The following HSP90B1 variants were observed in gnomAD, a reference collection of about 807,000 sequenced individuals.
The protein encoded by HSP90B1 is endoplasmin.
In HSP90B1, 27 loss-of-function variants were observed where a neutral mutation model predicts 100.4. The observed-to-expected ratio is 0.27, with a 90% CI of 0.20 to 0.37. The LOEUF (loss-of-function observed/expected upper bound fraction) is 0.37, where lower values mean the gene tolerates loss of function less well. Among genes scored for constraint, HSP90B1 ranks in the 10% least tolerant of loss-of-function variants. HSP90B1 has a pLI of 1.00. For synonymous variants in HSP90B1, 304 were observed against 330.8 expected (o/e 0.92, Z 0.88); for missense variants, 678 against 960.5 (o/e 0.71, Z 3.89).
At chr12:103,935,821 C>T (rs1372233101) in intron 5 of HSP90B1, among the ~76,000 whole-genome samples, 2 of 152,156 alleles carry the variant, frequency 1.3e-5, no homozygotes, top group Non-Finnish European at 2.9e-5. Context: ...TGTCAGGTTG[C>T]TAAGAAGCAG....
At chr12:103,941,740 G>A (rs1373445121) in intron 10 of HSP90B1, 34 bp downstream of exon 10, 1 of 1,604,624 alleles carries the variant, frequency 6.2e-7, no homozygotes, top group African/African-American at 1.3e-5. Context: ...AGGGGTGATT[G>A]TTGTGGGGGT....
In HSP90B1 at chr12:103,943,099, G is replaced by A. The variant is rs373394058; in HGVS notation, c.1670G>A (p.Arg557Gln). 1.7e-5 allele frequency: 28 copies of A among 1,613,868 alleles called. 1 individual carries two copies. The highest frequency in any genetic ancestry group is 4.4e-5 in the South Asian group (4 of 91,016). Residue 557 changes from arginine to glutamine, a missense_variant, in exon 13 of 18, where the codon CGA becomes CAA. Arg to Gln is a conservative substitution (Grantham distance 43). This residue lies in a region of HSP90B1 where 170 missense variants were observed against 236.7 expected (regional missense o/e 0.72). Coordinates refer to ENST00000299767, the MANE Select transcript of HSP90B1 (RefSeq NM_003299.3). The surrounding 1 kb of genome is among the most constrained non-coding windows in gnomAD (Gnocchi z 5.3). ...GCTGAATCTTCTCCATTTGTTGAGC[G>A]ACTTCTGAAAAAGGGCTATGAAGTT... ...KEAESSPFVE[R>Q]LLKKGYEVIY...
At chr12:103,932,552 C>A in intron 3 of HSP90B1, 134 bp downstream of exon 3, 1 of 741,770 alleles carries the variant, frequency 1.3e-6, no homozygotes, top group Non-Finnish European at 2.2e-6. Context: ...CTAATATGTC[C>A]AAGAATTGCT....
chr12:103,936,752 T>C (rs4964375), intron 5 of HSP90B1, among the ~76,000 whole-genome samples: 28,164 of 152,164 alleles, frequency 0.19, 3,132 homozygotes, highest in East Asian at 0.53. Flanking sequence ...AATTGCCTTT[T>C]AAATGCTTCT....
At position 103,931,429 on chromosome 12, in the gene HSP90B1, CA is replaced by C. The variant is rs1869756519; in HGVS notation, c.50-90del. The C allele has an allele frequency of 3.6e-6, 3 of 843,218 alleles. No individual in the cohort carries two copies. The African/African-American group carries it at 5.0e-5, about 14-fold the overall frequency. The allele number at this position is 843,218 out of a possible 1,614,324, so 52.2% of individuals were successfully genotyped here. ...TTTCATCCCCACCTCCCTTAGTTACCAACTGAATTTTGCAACCCCTACCCTT... is the reference window on the plus strand; with the variant it reads ...TTTCATCCCCACCTCCCTTAGTTACCACTGAATTTTGCAACCCCTACCCTT... On this transcript the variant is annotated intron_variant, in intron 1 of 17. Coordinates refer to ENST00000299767, the MANE Select transcript of HSP90B1 (RefSeq NM_003299.3).
Position 103,931,538 on chromosome 12 carries a change from G to A in HSP90B1, c.67G>A (p.Asp23Asn), listed in dbSNP as rs759717800. 4 of 1,613,498 alleles carry A rather than the reference G, an allele frequency of 2.5e-6. No individual in the cohort carries two copies. The highest frequency in any genetic ancestry group is 1.3e-5 in the African/African-American group (1 of 75,024). Residue 23 changes from aspartate (D) to asparagine (N), a missense_variant, in exon 2 of 18, where the codon GAT becomes AAT. Physicochemically the swap from Asp to Asn is conservative, Grantham distance 23. Coordinates refer to ENST00000299767, the MANE Select transcript of HSP90B1 (RefSeq NM_003299.3). Reference protein sequence around the residue: ...LLTFGSVRADDEVDVDGTVEE... With the variant: ...LLTFGSVRADNEVDVDGTVEE... ...ATCTTCAGGGTCGGTCAGAGCTGAC[G>A]ATGAAGTTGATGTGGATGGTACAGT... is the stretch of plus-strand genomic sequence containing the variant.
At chr12:103,932,982 G>GA in intron 4 of HSP90B1, 40 bp downstream of exon 4, 1 of 1,051,064 alleles carries the variant, frequency 9.5e-7, no homozygotes, top group Non-Finnish European at 1.5e-6. Flanking sequence ...AAAGGAAAAG[G>GA]AATCCTTAAA....
At chr12:103,947,127 C>CT (rs1870258575) in intron 16 of HSP90B1, among the ~76,000 whole-genome samples, 184 bp from the exon 17 acceptor site, 1 of 152,322 alleles carries the variant, frequency 6.6e-6, no homozygotes, top group African/African-American at 2.4e-5. Flanking sequence ...CTAAGTCCTC[C>CT]TTTTACGTCC....
Position 103,943,408 on chromosome 12 carries a change from C to T in HSP90B1, c.1890+89C>T, listed in dbSNP as rs1870133443. 1.6e-6 allele frequency: 2 copies of T among 1,268,022 alleles called. No individual in the cohort carries two copies. Among genetic ancestry groups the T allele is most frequent in the Admixed American group, 3.9e-5 (2 of 51,028 alleles). 78.5% of individuals were successfully genotyped at this position (1,268,022 alleles called of 1,614,324 possible). ...GAACAAATTAAGCTGCAGCTGGTTA[C>T]TTTGTAACCATTAGAATGGTAAAAA... On this transcript the variant is annotated intron_variant, in intron 13 of 17. Coordinates refer to ENST00000299767, the MANE Select transcript of HSP90B1 (RefSeq NM_003299.3). The surrounding 1 kb of genome is among the most constrained non-coding windows in gnomAD (Gnocchi z 5.3).
At position 103,943,574 on chromosome 12, in the gene HSP90B1, G is replaced by GT; in HGVS notation, c.1891-163dup. 1.4e-6 allele frequency: 1 copy of GT among 732,934 alleles called. No individual in the cohort carries two copies. The highest frequency in any genetic ancestry group is 2.1e-6 in the Non-Finnish European group (1 of 466,600). The allele number at this position is 732,934 out of a possible 1,614,324, so 45.4% of individuals were successfully genotyped here. A position where few individuals can be genotyped will look rare whatever the true frequency, so the allele number is the denominator to read the frequency against. ...CTGACTAGAAAATTCAGATTATCAAGTAAGTGCCCCTACAAATTCTCCTAA... is the reference window on the plus strand; with the variant it reads ...CTGACTAGAAAATTCAGATTATCAAGTTAAGTGCCCCTACAAATTCTCCTAA... On this transcript the variant is annotated intron_variant, in intron 13 of 17. Coordinates refer to ENST00000299767, the MANE Select transcript of HSP90B1 (RefSeq NM_003299.3). The surrounding 1 kb of genome is among the most constrained non-coding windows in gnomAD (Gnocchi z 5.3).
At chr12:103,947,238 G>A (rs896038035) in intron 16 of HSP90B1, 73 bp from the exon 17 acceptor site, 6 of 1,498,398 alleles carry the variant, frequency 4.0e-6, no homozygotes, top group Middle Eastern at 1.8e-4. Context: ...CATTAATTAT[G>A]ATTTTATACA....
rs1266693117 is a variant in HSP90B1, at chr12:103,930,970, T to A, written c.49+406T>A. On this transcript the variant is annotated intron_variant, in intron 1 of 17. Coordinates refer to ENST00000299767, the MANE Select transcript of HSP90B1 (RefSeq NM_003299.3). The surrounding 1 kb of genome is among the most constrained non-coding windows in gnomAD (Gnocchi z 4.4). Reference sequence around the variant, plus strand: ...GACTCCGACTCCTCGCAAGCCCGTGTCCCTTCTTAGATGCTGGCCTCGGGA... The same window carrying A: ...GACTCCGACTCCTCGCAAGCCCGTGACCCTTCTTAGATGCTGGCCTCGGGA... 4.0e-5 allele frequency among the ~76,000 whole-genome samples: 6 copies of A among 151,842 alleles called. No individual in the cohort carries two copies. Among genetic ancestry groups the A allele is most frequent in the African/African-American group, 1.5e-4 (6 of 41,354 alleles).
In HSP90B1 at chr12:103,930,589, G is replaced by C; in HGVS notation, c.49+25G>C. On this transcript the variant is annotated intron_variant, in intron 1 of 17. Coordinates refer to ENST00000299767, the MANE Select transcript of HSP90B1 (RefSeq NM_003299.3). This position sits in a 1 kb window ranked among gnomAD's most constrained non-coding sequence, Gnocchi z 4.4. ...GGTGAGTGATTCTGGAGGAGCAGACGTCCCCCCTCCACACACGCGGCCGCT... is the reference window on the plus strand; with the variant it reads ...GGTGAGTGATTCTGGAGGAGCAGACCTCCCCCCTCCACACACGCGGCCGCT... The C allele has an allele frequency of 1.3e-6, 2 of 1,598,182 alleles. No homozygotes were observed. The highest frequency in any genetic ancestry group is 2.7e-5 in the African/African-American group (2 of 74,564).
chr12:103,947,443 A>G lies in HSP90B1; in HGVS notation c.2382+13A>G. 1 of 1,614,150 alleles carries G rather than the reference A, an allele frequency of 6.2e-7. No individual in the cohort carries two copies. The highest frequency in any genetic ancestry group is 8.5e-7 in the Non-Finnish European group (1 of 1,179,990). The stretch of plus-strand genomic sequence containing the variant: ...AGAAACAGCAAAGGTATGGCAAATC[A>G]AGAATGTGACTTGCATTTTCAGTTC... On this transcript the variant is annotated intron_variant, in intron 17 of 17. Transcript: ENST00000299767.
In HSP90B1 at chr12:103,946,596, GTTCA is replaced by G. The variant is rs1870240667; in HGVS notation, c.2028-19_2028-16del. The stretch of plus-strand genomic sequence containing the variant: ...CTAAAATTGGATATGTTTTGTTAAT[GTTCA>G]TTTTTATCTCTTAACAGTTACTATG... On this transcript the variant is annotated intron_variant, in intron 14 of 17. Transcript: ENST00000299767. 6.4e-7 allele frequency: 1 copy of G among 1,560,934 alleles called. No homozygotes were observed. The highest frequency in any genetic ancestry group is 1.4e-5 in the African/African-American group (1 of 73,770).
In HSP90B1 at chr12:103,942,586, T is replaced by A; in HGVS notation, c.1434T>A (p.Asp478Glu). 6.2e-7 allele frequency: 1 copy of A among 1,613,980 alleles called. No individual in the cohort carries two copies. Among genetic ancestry groups the A allele is most frequent in the Non-Finnish European group, 8.5e-7 (1 of 1,179,842 alleles). ...TLDMIKKIADDKYNDTFWKEF... is the reference protein window; with the variant it reads ...TLDMIKKIADEKYNDTFWKEF... ...ACATGATCAAGAAGATTGCTGATGA[T>A]AAATACAATGATACTTTTTGGAAAG... The change falls in exon 12 of 18, where the codon GAT becomes GAA. Residue 478 changes from aspartate to glutamate, a missense_variant. Physicochemically the swap from Asp to Glu is conservative, Grantham distance 45. This residue lies in a region of HSP90B1 where 170 missense variants were observed against 236.7 expected (regional missense o/e 0.72). Transcript: ENST00000299767.
At chr12:103,932,804 A>AT in intron 3 of HSP90B1, 22 bp from the exon 4 acceptor site, 1 of 1,195,132 alleles carries the variant, frequency 8.4e-7, no homozygotes, top group African/African-American at 1.5e-5. Context: ...GTCTAAGTGT[A>AT]TTCCCTCTGG....
At position 103,939,506 on chromosome 12, in the gene HSP90B1, C is replaced by T; in HGVS notation, c.976-3C>T. 2 of 1,413,260 alleles carry T rather than the reference C, an allele frequency of 1.4e-6. No individual in the cohort carries two copies. The highest frequency in any genetic ancestry group is 1.9e-6 in the Non-Finnish European group (2 of 1,025,846). 87.5% of individuals were successfully genotyped at this position (1,413,260 alleles called of 1,614,324 possible). ...GACTAATCAAATACTATAATAACTTCAGGTTGAAAAAACTGTCTGGGACTG... is the reference window on the plus strand; with the variant it reads ...GACTAATCAAATACTATAATAACTTTAGGTTGAAAAAACTGTCTGGGACTG... On this transcript the variant is annotated splice_region_variant and splice_polypyrimidine_tract_variant and intron_variant, in intron 7 of 17. Coordinates refer to ENST00000299767, the MANE Select transcript of HSP90B1 (RefSeq NM_003299.3).
At chr12:103,938,309 G>A (rs371582661) in intron 6 of HSP90B1, 31 bp from the exon 7 acceptor site, 65 of 1,507,492 alleles carry the variant, frequency 4.3e-5, no homozygotes, top group Non-Finnish European at 5.3e-5. Flanking sequence ...TTAAACAAAT[G>A]AGTTTAACCA....
Sources: allele counts gnomAD v4.1 joint callset (sites outside exome capture counted in the v4.1 genomes callset), GRCh38; gene constraint gnomAD v4.1.1; regional missense constraint gnomAD v4.1.1; non-coding constraint Gnocchi (gnomAD v3.1); transcripts MANE v1.5; gene names NCBI Gene and HGNC (gene_info 2026-07-23, HGNC 2026-07-21).